Variants in SESN1 observed in about 807,000 individuals in gnomAD.
SESN1 encodes sestrin-1.
SESN1 carries 30 observed loss-of-function variants against 59.3 expected under a neutral mutation model. The observed-to-expected ratio is 0.51, with a 90% CI of 0.38 to 0.69. The LOEUF (loss-of-function observed/expected upper bound fraction) is 0.69. Among genes scored for constraint, SESN1 ranks in the 30% least tolerant of loss-of-function variants. The probability of loss-of-function intolerance (pLI) is 0.00; values close to 1 mark genes in which losing one functional copy is unlikely to be tolerated. For synonymous variants in SESN1, 197 were observed against 219.9 expected (o/e 0.90, Z 0.92); for missense variants, 566 against 673.0 (o/e 0.84, Z 1.76).
At chr6:109,057,906 C>A (rs569797962) in intron 1 of SESN1, among the ~76,000 whole-genome samples, 4 of 152,188 alleles carry the variant, frequency 2.6e-5, no homozygotes, top group African/African-American at 9.6e-5. Context: ...CATATGAATT[C>A]CAGGAACATG....
intron 1 of SESN1, chr6:109,009,377 C>T (rs1779809254): frequency 6.1e-6 from 9 of 1,467,796 alleles, no homozygotes; most frequent in South Asian, 3.9e-5. Flanking sequence ...GGTCGCGGCC[C>T]CCGCCGCACT....
At position 108,990,897 on chromosome 6, in the gene SESN1, G is replaced by C. The variant is rs1208832276; in HGVS notation, c.1234-62C>G. The stretch of plus-strand genomic sequence containing the variant: ...GGTCAAGTACAGTTCTATATCTATA[G>C]CTCTGTAGCATGGTAAAAATCATTG... On this transcript the variant is annotated intron_variant, in intron 7 of 9. Coordinates refer to ENST00000436639, the MANE Select transcript of SESN1 (RefSeq NM_014454.3). The C allele has an allele frequency of 5.0e-6, 7 of 1,388,926 alleles. No individual in the cohort carries two copies. In the South Asian group the frequency reaches 8.9e-5, roughly 18 times the overall value. The allele number at this position is 1,388,926 out of a possible 1,614,324, so 86.0% of individuals were successfully genotyped here.
intron 1 of SESN1, among the ~76,000 whole-genome samples, chr6:109,067,685 T>G (rs1289067137): frequency 3.3e-5 from 5 of 152,202 alleles, no homozygotes; most frequent in Non-Finnish European, 7.3e-5. Flanking sequence ...GAGCAATTTA[T>G]TTTTGCTGCT....
intron 1 of SESN1, among the ~76,000 whole-genome samples, chr6:109,025,854 A>C (rs7765732): frequency 0.1 from 15,164 of 152,014 alleles, 918 homozygotes; most frequent in Middle Eastern, 0.19. Flanking sequence ...TAATACATAT[A>C]TAATTGGAAG....
In SESN1 at chr6:109,067,977, C is replaced by T. The variant is rs539711234; in HGVS notation, c.279+25818G>A. On this transcript the variant is annotated intron_variant, in intron 1 of 9. Transcript: ENST00000436639. ...GGAGAAGAAGGTCAGGGTATTTATT[C>T]TGAAGGCAGAAGTGGGTATATTCCT... Among the ~76,000 whole-genome samples, 8 of 152,272 alleles carry T rather than the reference C, an allele frequency of 5.3e-5. No homozygotes were observed. The South Asian group carries it at 1.5e-3, about 28-fold the overall frequency.
chr6:109,020,175 G>T lies in SESN1; in HGVS notation c.280-17832C>A. On this transcript the variant is annotated intron_variant, in intron 1 of 9. Transcript: ENST00000436639. ...TGCTCCAGATACCGGTGAGGCCTAA[G>T]CTTCTTCTTTTTTTCTTTTTTTTAT... Among the ~76,000 whole-genome samples, 3 of 152,254 alleles carry T rather than the reference G, an allele frequency of 2.0e-5. No homozygotes were observed. In the South Asian group the frequency reaches 6.2e-4, roughly 32 times the overall value.
intron 1 of SESN1, among the ~76,000 whole-genome samples, chr6:109,087,346 G>GA (rs57422962): frequency 0.18 from 27,846 of 150,844 alleles, 3,359 homozygotes; most frequent in African/African-American, 0.34. Flanking sequence ...AAACAATTTA[G>GA]AAAAAAAAAG....
chr6:109,026,501 T>G (rs986656686), intron 1 of SESN1, among the ~76,000 whole-genome samples: 2 of 152,118 alleles, frequency 1.3e-5, no homozygotes, highest in African/African-American at 4.8e-5. Flanking sequence ...AGGTGTAGGT[T>G]TAACTTTTTT....
chr6:109,043,708 A>G (rs1455331939), intron 1 of SESN1, among the ~76,000 whole-genome samples: 2 of 152,198 alleles, frequency 1.3e-5, no homozygotes, highest in Admixed American at 6.5e-5. Context: ...AAAAATCCAA[A>G]TAAGTGGAGA....
chr6:109,015,200 A>C (rs1270733228), intron 1 of SESN1, among the ~76,000 whole-genome samples: 4 of 152,120 alleles, frequency 2.6e-5, no homozygotes, highest in African/African-American at 9.7e-5. Flanking sequence ...TCTGTGAGGG[A>C]ATTAGCTTCT....
At chr6:109,014,964 T>C (rs1273552118) in intron 1 of SESN1, among the ~76,000 whole-genome samples, 9 of 152,218 alleles carry the variant, frequency 5.9e-5, no homozygotes, top group Non-Finnish European at 1.5e-5. Context: ...AAAATCAGAA[T>C]GTCTGTATTT....
chr6:109,062,928 G>C (rs1322319375), intron 1 of SESN1, among the ~76,000 whole-genome samples: 1 of 152,182 alleles, frequency 6.6e-6, no homozygotes, highest in Non-Finnish European at 1.5e-5. Flanking sequence ...GTTGGTAAGT[G>C]AAAGTGAGGA....
At chr6:109,062,566 T>G (rs1780750141) in intron 1 of SESN1, among the ~76,000 whole-genome samples, 1 of 152,186 alleles carries the variant, frequency 6.6e-6, no homozygotes, top group Admixed American at 6.5e-5. Context: ...GAAAACACTA[T>G]GAGAAGTCAT....
chr6:109,086,212 G>T (rs1233283476), intron 1 of SESN1, among the ~76,000 whole-genome samples: 1 of 152,052 alleles, frequency 6.6e-6, no homozygotes, highest in Admixed American at 6.6e-5. Flanking sequence ...CTAGCTGGGT[G>T]TGGTGGCGCA....
In SESN1 at chr6:108,985,939, G is replaced by GACA. The variant is rs1462011014; in HGVS notation, c.*1604_*1605insTGT. Among the ~76,000 whole-genome samples the GACA allele has an allele frequency of 1.3e-5, 2 of 152,100 alleles. No individual in the cohort carries two copies. The highest frequency in any genetic ancestry group is 2.9e-5 in the Non-Finnish European group (2 of 68,012). ...AGGTTATAGTCTTGTCTTCTCATGA[G>GACA]AGTAAATATCCTTGAGGACAGGTAC... On this transcript the variant is annotated 3_prime_UTR_variant, in exon 10 of 10. Coordinates refer to ENST00000436639, the MANE Select transcript of SESN1 (RefSeq NM_014454.3).
intron 1 of SESN1, among the ~76,000 whole-genome samples, chr6:109,037,788 T>TA (rs542950787): frequency 0.015 from 2,190 of 146,132 alleles, 31 homozygotes; most frequent in Non-Finnish European, 0.019. Flanking sequence ...AGCGCTATTA[T>TA]AAAAAAAAAA....
intron 1 of SESN1, among the ~76,000 whole-genome samples, chr6:109,061,568 T>C (rs1314363085): frequency 6.6e-6 from 1 of 152,116 alleles, no homozygotes; most frequent in African/African-American, 2.4e-5. Context: ...CTCTGGGAGA[T>C]GGAAGTGGGT....
intron 1 of SESN1, among the ~76,000 whole-genome samples, chr6:109,029,950 T>C (rs1474612607): frequency 6.6e-6 from 1 of 152,234 alleles, no homozygotes; most frequent in African/African-American, 2.4e-5. Flanking sequence ...GTAAGGTTCT[T>C]AGACATTATT....
intron 1 of SESN1, among the ~76,000 whole-genome samples, chr6:109,089,575 A>C (rs1001013773): frequency 1.3e-5 from 2 of 152,128 alleles, no homozygotes; most frequent in African/African-American, 4.8e-5. Flanking sequence ...TTCTACTTGG[A>C]TGTCTCATAG....
Sources: allele counts gnomAD v4.1 joint callset (sites outside exome capture counted in the v4.1 genomes callset), GRCh38; gene constraint gnomAD v4.1.1; transcripts MANE v1.5; gene names NCBI Gene and HGNC (gene_info 2026-07-23, HGNC 2026-07-21).